PRKD1: variants seen among roughly 807,000 people sequenced by gnomAD.
PRKD1 encodes protein kinase D1, also known as serine/threonine-protein kinase D1.
PRKD1 carries 63 observed loss-of-function variants against 95.9 expected under a neutral mutation model. The observed-to-expected ratio is 0.66, with a 90% CI of 0.54 to 0.81. PRKD1 has a LOEUF of 0.81. Ranked by LOEUF, PRKD1 falls within the 30% of genes least tolerant of loss-of-function variation. The pLI is 0.00. For missense variants in PRKD1, 1,048 were observed against 1,165.3 expected, an observed-to-expected ratio of 0.90 and a Z score of 1.47; for synonymous variants, 425 against 423.1, an observed-to-expected ratio of 1.00 and a Z score of -0.05.
chr14:29,654,319 G>A (rs919938858), intron 4 of PRKD1, among the ~76,000 whole-genome samples: 4 of 151,978 alleles, frequency 2.6e-5, no homozygotes, highest in Non-Finnish European at 4.4e-5. Context: ...TTACAGGTGC[G>A]TGCCACCATG....
At chr14:29,735,474 A>G (rs555813984) in intron 1 of PRKD1, among the ~76,000 whole-genome samples, 1 of 152,314 alleles carries the variant, frequency 6.6e-6, no homozygotes, top group South Asian at 2.1e-4. Flanking sequence ...TAGAGAAAAA[A>G]TTCAAGGGAT....
intron 1 of PRKD1, among the ~76,000 whole-genome samples, chr14:29,911,337 A>G (rs1048738915): frequency 6.6e-6 from 1 of 152,186 alleles, no homozygotes; most frequent in Non-Finnish European, 1.5e-5. Context: ...CAAATCTGTT[A>G]GACTTATTAA....
chr14:29,591,487 C>T (rs1013793930), intron 16 of PRKD1, among the ~76,000 whole-genome samples: 11 of 152,008 alleles, frequency 7.2e-5, no homozygotes, highest in Non-Finnish European at 1.5e-4. Flanking sequence ...AGTCCATGGA[C>T]CATGGACTTC....
At chr14:29,919,152 A>G (rs751911202) in intron 1 of PRKD1, among the ~76,000 whole-genome samples, 222 of 152,332 alleles carry the variant, frequency 1.5e-3, no homozygotes, top group Middle Eastern at 6.8e-3. Flanking sequence ...CCTTTTCACC[A>G]AAATAAGTTG....
At chr14:29,636,593 C>G in intron 6 of PRKD1, 99 bp from the exon 7 acceptor site, 1 of 1,191,594 alleles carries the variant, frequency 8.4e-7, no homozygotes, top group Non-Finnish European at 1.2e-6. Context: ...TTGGAAGCCC[C>G]AAAGAGGTAG....
At chr14:29,918,303 A>G (rs1464524409) in intron 1 of PRKD1, among the ~76,000 whole-genome samples, 1 of 152,148 alleles carries the variant, frequency 6.6e-6, no homozygotes, top group Admixed American at 6.6e-5. Context: ...AGTGTTACAA[A>G]GGGAACTCAA....
intron 1 of PRKD1, among the ~76,000 whole-genome samples, chr14:29,921,471 G>A (rs1403420879): frequency 6.6e-6 from 1 of 151,940 alleles, no homozygotes; most frequent in Admixed American, 6.6e-5. Flanking sequence ...GTAAACAACA[G>A]CATTTATTAT....
chr14:29,626,346 G>T, intron 12 of PRKD1, 138 bp downstream of exon 12: 1 of 685,148 alleles, frequency 1.5e-6, no homozygotes, highest in Non-Finnish European at 2.3e-6. Flanking sequence ...TTTTTTAAAC[G>T]CAGAACACAA....
chr14:29,647,854 A>G (rs575795726), intron 4 of PRKD1, among the ~76,000 whole-genome samples: 9 of 152,212 alleles, frequency 5.9e-5, no homozygotes, highest in Non-Finnish European at 1.2e-4. Context: ...TGAGCACCGG[A>G]CAAAGAAAAC....
chr14:29,868,378 C>T (rs1444065106), intron 1 of PRKD1, among the ~76,000 whole-genome samples: 1 of 152,170 alleles, frequency 6.6e-6, no homozygotes, highest in Admixed American at 6.5e-5. Flanking sequence ...CAAAAGATGT[C>T]TCTTCTGAAA....
chr14:29,910,509 A>T (rs116751132), intron 1 of PRKD1, among the ~76,000 whole-genome samples: 227 of 152,316 alleles, frequency 1.5e-3, no homozygotes, highest in African/African-American at 5.2e-3. Context: ...GAGACTGCCA[A>T]CATTCAATCA....
intron 1 of PRKD1, among the ~76,000 whole-genome samples, chr14:29,769,807 T>C (rs1566590081): frequency 6.6e-6 from 1 of 152,142 alleles, no homozygotes; most frequent in East Asian, 1.9e-4. Flanking sequence ...GACAACACAT[T>C]ATTAAACACT....
intron 1 of PRKD1, among the ~76,000 whole-genome samples, chr14:29,839,405 G>C (rs1891739504): frequency 6.6e-6 from 1 of 152,158 alleles, no homozygotes; most frequent in Non-Finnish European, 1.5e-5. Context: ...CAAAGCAATG[G>C]CTACCAAGAA....
At chr14:29,881,879 G>C (rs990765934) in intron 1 of PRKD1, among the ~76,000 whole-genome samples, 17 of 151,966 alleles carry the variant, frequency 1.1e-4, no homozygotes, top group African/African-American at 4.1e-4. Context: ...CTTCCATAAA[G>C]TGTTCCTCAT....
intron 1 of PRKD1, among the ~76,000 whole-genome samples, chr14:29,743,257 A>G (rs1435762455): frequency 1.3e-5 from 2 of 152,154 alleles, no homozygotes; most frequent in African/African-American, 4.8e-5. Context: ...GTATTCTAGA[A>G]GAAACTGGGA....
At chr14:29,733,383 A>C (rs1886553652) in intron 1 of PRKD1, among the ~76,000 whole-genome samples, 1 of 152,074 alleles carries the variant, frequency 6.6e-6, no homozygotes, top group Admixed American at 6.5e-5. Context: ...TACAGGAGTG[A>C]GCTACCGTGC....
At chr14:29,906,208 T>A (rs577580138) in intron 1 of PRKD1, among the ~76,000 whole-genome samples, 1 of 152,046 alleles carries the variant, frequency 6.6e-6, no homozygotes, top group Non-Finnish European at 1.5e-5. Flanking sequence ...ATAAAAATGA[T>A]TTTTTAAAGT....
intron 4 of PRKD1, among the ~76,000 whole-genome samples, chr14:29,652,451 C>A (rs906430018): frequency 2.6e-5 from 4 of 152,070 alleles, no homozygotes; most frequent in African/African-American, 7.2e-5. Context: ...ATATGATAAG[C>A]CAGACTTGTG....
Position 29,652,168 on chromosome 14 carries a change from G to C in PRKD1, c.696+11531C>G, listed in dbSNP as rs901292551. ...TGGACGCAGATGCCCACAAGTAAAT[G>C]CCTGCAATTCCTAACAGTGGAAGGC... is the stretch of plus-strand genomic sequence containing the variant. On this transcript the variant is annotated intron_variant, in intron 4 of 17. Coordinates refer to ENST00000331968, the MANE Select transcript of PRKD1 (RefSeq NM_002742.3). 3.3e-5 allele frequency among the ~76,000 whole-genome samples: 5 copies of C among 152,304 alleles called. No homozygotes were observed. The South Asian group carries it at 6.2e-4, about 19-fold the overall frequency.
Sources: allele counts gnomAD v4.1 joint callset (sites outside exome capture counted in the v4.1 genomes callset), GRCh38; gene constraint gnomAD v4.1.1; transcripts MANE v1.5; gene names NCBI Gene and HGNC (gene_info 2026-07-23, HGNC 2026-07-21).